BANK1: variants seen among roughly 807,000 people sequenced by gnomAD.
BANK1 encodes the protein B cell scaffold protein with ankyrin repeats 1, also known as B-cell scaffold protein with ankyrin repeats.
BANK1 carries 95 observed loss-of-function variants against 94.5 expected under a neutral mutation model. That is an observed-to-expected ratio of 1.00 (90% CI 0.85 to 1.19). The LOEUF is 1.19. Among genes scored for constraint, BANK1 ranks in the 50% most tolerant of loss-of-function variants. BANK1 has a pLI of 0.00. For synonymous variants in BANK1, 334 were observed against 308.4 expected (o/e 1.08, Z -0.87); for missense variants, 987 against 932.2 (o/e 1.06, Z -0.77).
At chr4:101,886,388 A>G (rs1418258682) in intron 5 of BANK1, among the ~76,000 whole-genome samples, 1 of 152,226 alleles carries the variant, frequency 6.6e-6, no homozygotes, top group Non-Finnish European at 1.5e-5. Flanking sequence ...AATATAAACA[A>G]GATGGATTCT....
At chr4:101,939,950 C>T (rs1465109144) in intron 7 of BANK1, among the ~76,000 whole-genome samples, 1 of 151,680 alleles carries the variant, frequency 6.6e-6, no homozygotes, top group African/African-American at 2.4e-5. Flanking sequence ...ATTCAAATAT[C>T]TTCTAAATGA....
At chr4:101,857,721 C>T (rs1727727893) in intron 3 of BANK1, among the ~76,000 whole-genome samples, 2 of 152,090 alleles carry the variant, frequency 1.3e-5, no homozygotes, top group South Asian at 2.1e-4. Context: ...TTTTTTTCCC[C>T]ATGCACTAGT....
chr4:101,872,457 A>T (rs1483283867), intron 5 of BANK1, among the ~76,000 whole-genome samples: 1 of 152,144 alleles, frequency 6.6e-6, no homozygotes, highest in Non-Finnish European at 1.5e-5. Context: ...TAAGTGTGAC[A>T]TGGGGTTTGT....
At chr4:101,907,491 G>A (rs1000630824) in intron 6 of BANK1, among the ~76,000 whole-genome samples, 1 of 152,166 alleles carries the variant, frequency 6.6e-6, no homozygotes, top group Non-Finnish European at 1.5e-5. Flanking sequence ...TTGAAAACTG[G>A]CAAAAGACAG....
At chr4:101,901,602 G>A (rs1048882633) in intron 6 of BANK1, among the ~76,000 whole-genome samples, 1 of 152,054 alleles carries the variant, frequency 6.6e-6, no homozygotes, top group African/African-American at 2.4e-5. Context: ...ACAAAGGACA[G>A]AATAGCAGAT....
At chr4:101,903,048 C>A (rs1418588069) in intron 6 of BANK1, among the ~76,000 whole-genome samples, 1 of 152,084 alleles carries the variant, frequency 6.6e-6, no homozygotes, top group African/African-American at 2.4e-5. Flanking sequence ...GAAGTGAATA[C>A]CTTAATTACA....
chr4:102,031,461 T>A (rs1727307643), intron 10 of BANK1, among the ~76,000 whole-genome samples: 1 of 152,212 alleles, frequency 6.6e-6, no homozygotes, highest in Non-Finnish European at 1.5e-5. Context: ...CATTTGTCAA[T>A]TTTGTCTTTT....
In BANK1 at chr4:101,919,526, C is replaced by T. The variant is rs537775273; in HGVS notation, c.1206+1337C>T. 1.6e-3 allele frequency among the ~76,000 whole-genome samples: 245 copies of T among 151,866 alleles called. 1 individual carries two copies. The highest frequency in any genetic ancestry group is 3.4e-3 in the Middle Eastern group (1 of 294). On this transcript the variant is annotated intron_variant, in intron 7 of 16. Transcript: ENST00000322953. ...GGATATAATTTTTTTTCTCTTACAC[C>T]CTCTCAGTATTTATACCTCTGCTCC...
At chr4:102,040,254 G>A (rs567113100) in intron 10 of BANK1, among the ~76,000 whole-genome samples, 1 of 152,086 alleles carries the variant, frequency 6.6e-6, no homozygotes, top group Non-Finnish European at 1.5e-5. Flanking sequence ...AATATTTAAT[G>A]ATATGCTAAT....
At chr4:101,994,198 C>CT (rs1237889412) in intron 7 of BANK1, among the ~76,000 whole-genome samples, 1 of 152,152 alleles carries the variant, frequency 6.6e-6, no homozygotes, top group Non-Finnish European at 1.5e-5. Context: ...AGGAACATAT[C>CT]TAAGTTTTGT....
At chr4:102,070,163 A>T (rs1052790637) in intron 13 of BANK1, among the ~76,000 whole-genome samples, 8 of 152,168 alleles carry the variant, frequency 5.3e-5, no homozygotes. Context: ...GGAAGGAAAG[A>T]AAAGCATATT....
At chr4:101,863,797 T>C (rs1270531483) in intron 4 of BANK1, among the ~76,000 whole-genome samples, 3 of 152,128 alleles carry the variant, frequency 2.0e-5, no homozygotes, top group Non-Finnish European at 1.5e-5. Context: ...TCTTAAGTGG[T>C]TTAATGAATA....
At chr4:101,991,786 T>C (rs1332311807) in intron 7 of BANK1, among the ~76,000 whole-genome samples, 1 of 152,218 alleles carries the variant, frequency 6.6e-6, no homozygotes, top group African/African-American at 2.4e-5. Context: ...ACTATGGATT[T>C]GTCTATGTGT....
chr4:101,970,873 C>G lies in BANK1; in HGVS notation c.1207-50641C>G, dbSNP rs73834521. Reference sequence around the variant, plus strand: ...AGTAAACATGATTTCCTTAGGATTTCAGCTATGATCATTTAAAAATTTTCT... The same window carrying G: ...AGTAAACATGATTTCCTTAGGATTTGAGCTATGATCATTTAAAAATTTTCT... On this transcript the variant is annotated intron_variant, in intron 7 of 16. Transcript: ENST00000322953. Among the ~76,000 whole-genome samples the G allele has an allele frequency of 1.9e-3, 290 of 152,220 alleles. 1 individual carries two copies. The highest frequency in any genetic ancestry group is 6.5e-3 in the African/African-American group (269 of 41,550).
At chr4:101,932,815 T>C (rs1035206303) in intron 7 of BANK1, among the ~76,000 whole-genome samples, 1 of 151,468 alleles carries the variant, frequency 6.6e-6, no homozygotes, top group East Asian at 2.0e-4. Context: ...CACAGATAGA[T>C]TAAAAACAAA....
At chr4:101,826,110 T>TA (rs1175213504) in intron 1 of BANK1, among the ~76,000 whole-genome samples, 2 of 152,074 alleles carry the variant, frequency 1.3e-5, no homozygotes, top group Non-Finnish European at 2.9e-5. Context: ...ACTCTACTGT[T>TA]AGAGTACATG....
At chr4:101,805,128 A>G (rs998623826) in intron 1 of BANK1, among the ~76,000 whole-genome samples, 1 of 152,184 alleles carries the variant, frequency 6.6e-6, no homozygotes, top group Admixed American at 6.5e-5. Flanking sequence ...GAACTATTTG[A>G]CTGCAGTGGC....
At position 102,074,052 on chromosome 4, in the gene BANK1, T is replaced by C. The variant is rs1728843128; in HGVS notation, c.*53T>C. On this transcript the variant is annotated 3_prime_UTR_variant, in exon 17 of 17. Coordinates refer to ENST00000322953, the MANE Select transcript of BANK1 (RefSeq NM_017935.5). ...ATCTACGGACATTTTGCTTTCAGGG[T>C]GAAGCAAGCTTGAATTTGGATTGCC... The C allele has an allele frequency of 4.8e-6, 1 of 207,726 alleles. No homozygotes were observed. Among genetic ancestry groups the C allele is most frequent in the Non-Finnish European group, 9.5e-6 (1 of 105,078 alleles). The allele number at this position is 207,726 out of a possible 1,614,324, so 12.9% of individuals were successfully genotyped here. A position where few individuals can be genotyped will look rare whatever the true frequency, so the allele number is the denominator to read the frequency against.
chr4:101,915,558 G>A (rs1036484917), intron 6 of BANK1, among the ~76,000 whole-genome samples: 4 of 151,986 alleles, frequency 2.6e-5, no homozygotes, highest in Non-Finnish European at 5.9e-5. Flanking sequence ...GAAATACCAA[G>A]TAGATGTAAA....
Sources: gnomAD v4.1 joint callset for allele counts (sites outside exome capture counted in the v4.1 genomes callset) on GRCh38, gnomAD v4.1.1 for gene constraint, MANE v1.5 for transcripts, NCBI Gene and HGNC (gene_info 2026-07-23, HGNC 2026-07-21) for gene names.